The following PI4KA variants were observed in gnomAD, a reference collection of about 807,000 sequenced individuals.
PI4KA encodes phosphatidylinositol 4-kinase alpha.
A neutral mutation model predicts 271.4 loss-of-function variants in PI4KA; 122 were observed. That is an observed-to-expected ratio of 0.45 (90% CI 0.39 to 0.52). The LOEUF (loss-of-function observed/expected upper bound fraction) is 0.52, where lower values mean the gene tolerates loss of function less well. Among genes scored for constraint, PI4KA ranks in the 20% least tolerant of loss-of-function variants. PI4KA has a pLI of 0.00. For missense variants in PI4KA, 1,969 were observed against 2,769.1 expected (o/e 0.71, Z 6.48); for synonymous variants, 1,041 against 1,078.8 (o/e 0.96, Z 0.69).
intron 19 of PI4KA, chr22:20,786,889 C>T (rs1192100389): frequency 5.6e-6 from 9 of 1,614,056 alleles, no homozygotes; most frequent in Non-Finnish European, 7.6e-6. Flanking sequence ...AGCACCAAGG[C>T]ACGATCACAG....
At chr22:20,717,525 C>T (rs1452261822) in intron 45 of PI4KA, among the ~76,000 whole-genome samples, 183 bp downstream of exon 45, 6 of 152,270 alleles carry the variant, frequency 3.9e-5, no homozygotes, top group East Asian at 1.9e-4. Context: ...CGCTCACTAG[C>T]GGCAGATTCT....
chr22:20,784,200 T>C, intron 19 of PI4KA: 2 of 1,614,172 alleles, frequency 1.2e-6, no homozygotes, highest in Non-Finnish European at 1.7e-6. Flanking sequence ...GAAGCGCAAC[T>C]GACACCCCGG....
chr22:20,750,404 A>C (rs1930543118), intron 27 of PI4KA, among the ~76,000 whole-genome samples: 2 of 152,182 alleles, frequency 1.3e-5, no homozygotes, highest in Non-Finnish European at 2.9e-5. Context: ...GAACTGTAAG[A>C]CAATCAATGT....
chr22:20,757,489 G>C (rs2147356420), intron 23 of PI4KA, among the ~76,000 whole-genome samples: 1 of 152,206 alleles, frequency 6.6e-6, no homozygotes, highest in East Asian at 1.9e-4. Flanking sequence ...CTTCAGAAAG[G>C]GATCTGATTC....
Position 20,798,577 on chromosome 22 carries a change from C to T in PI4KA, c.2108+7G>A, listed in dbSNP as rs764135349. The T allele has an allele frequency of 1.3e-6, 2 of 1,535,966 alleles. No homozygotes were observed. The highest frequency in any genetic ancestry group is 3.3e-5 in the Admixed American group (2 of 59,930). On this transcript the variant is annotated splice_region_variant and intron_variant, in intron 17 of 54. Coordinates refer to ENST00000255882, the MANE Select transcript of PI4KA (RefSeq NM_058004.4). ...ATGATAAAAAAGTGACAATGAGGTC[C>T]AGTTACCTATAGCCGTGGTCCTTGT...
At chr22:20,854,969 C>T (rs535553429) in intron 1 of PI4KA, among the ~76,000 whole-genome samples, 10 of 151,866 alleles carry the variant, frequency 6.6e-5, no homozygotes, top group Non-Finnish European at 1.2e-4. Flanking sequence ...CTGGCCAACA[C>T]GGCGAAACCC....
At chr22:20,776,758 A>G (rs1933319242) in intron 19 of PI4KA, among the ~76,000 whole-genome samples, 1 of 152,114 alleles carries the variant, frequency 6.6e-6, no homozygotes, top group African/African-American at 2.4e-5. Flanking sequence ...TGATATATAA[A>G]ATGTTGGGAG....
At chr22:20,790,469 T>C (rs1934557120) in intron 19 of PI4KA, among the ~76,000 whole-genome samples, 1 of 152,090 alleles carries the variant, frequency 6.6e-6, no homozygotes, top group South Asian at 2.1e-4. Flanking sequence ...GAGACCAGCC[T>C]GGTGAACATG....
intron 19 of PI4KA, 50 bp from the exon 20 acceptor site, chr22:20,765,743 C>T (rs1932465460): frequency 3.2e-6 from 4 of 1,232,254 alleles, no homozygotes; most frequent in East Asian, 4.7e-5. Flanking sequence ...CTGAGGAAAC[C>T]CTAAGCCCTG....
intron 14 of PI4KA, 63 bp downstream of exon 14, chr22:20,801,910 A>G: frequency 6.4e-7 from 1 of 1,564,764 alleles, no homozygotes; most frequent in African/African-American, 1.4e-5. Context: ...AATGTCTCTT[A>G]TTTTGTAATA....
At position 20,817,734 on chromosome 22, in the gene PI4KA, C is replaced by CAAAAAAAAAAA; in HGVS notation, c.856+738_856+748dup. The stretch of plus-strand genomic sequence containing the variant: ...GGGTGGCAGAGTGAGACTCTCTCTC[C>CAAAAAAAAAAA]AAAAAAAAAAAAAAAAAAAAAAAAA... On this transcript the variant is annotated intron_variant, in intron 7 of 54. Coordinates refer to ENST00000255882, the MANE Select transcript of PI4KA (RefSeq NM_058004.4). Among the ~76,000 whole-genome samples, 26 of 13,972 alleles carry CAAAAAAAAAAA rather than the reference C, an allele frequency of 1.9e-3. 4 individuals carry two copies. The highest frequency in any genetic ancestry group is 2.5e-3 in the Non-Finnish European group (19 of 7,462). 9.2% of individuals were successfully genotyped at this position (13,972 alleles called of 152,430 possible). A position where few individuals can be genotyped will look rare whatever the true frequency, so the allele number is the denominator to read the frequency against.
intron 50 of PI4KA, among the ~76,000 whole-genome samples, chr22:20,711,977 TC>T (rs1351821221): frequency 4.6e-5 from 7 of 151,984 alleles, no homozygotes; most frequent in African/African-American, 1.4e-4. Flanking sequence ...TCTCTTGACC[TC>T]ATGATCTGCC....
chr22:20,753,104 G>A lies in PI4KA; in HGVS notation c.2862+6C>T. The A allele has an allele frequency of 6.2e-7, 1 of 1,614,122 alleles. No homozygotes were observed. The highest frequency in any genetic ancestry group is 8.5e-7 in the Non-Finnish European group (1 of 1,180,000). On this transcript the variant is annotated splice_donor_region_variant and intron_variant, in intron 24 of 54. Coordinates refer to ENST00000255882, the MANE Select transcript of PI4KA (RefSeq NM_058004.4). The stretch of plus-strand genomic sequence containing the variant: ...ACAGACACGCATTCATGCTGGAGAG[G>A]CTTACTTTATCCGCCATCATGTTCA...
chr22:20,840,786 C>A (rs553324740), intron 1 of PI4KA, among the ~76,000 whole-genome samples: 1 of 152,146 alleles, frequency 6.6e-6, no homozygotes, highest in African/African-American at 2.4e-5. Context: ...AAGGCCGAGG[C>A]AGGAGGATCA....
intron 19 of PI4KA, chr22:20,787,310 T>C (rs537763191): frequency 1.9e-6 from 1 of 535,902 alleles, no homozygotes; most frequent in African/African-American, 1.9e-5. Context: ...TGCTGTTACC[T>C]AGAGGGTCTC....
chr22:20,803,290 C>G lies in PI4KA; in HGVS notation c.1492G>C (p.Val498Leu). The G allele has an allele frequency of 6.2e-7, 1 of 1,614,160 alleles. No homozygotes were observed. Among genetic ancestry groups the G allele is most frequent in the South Asian group, 1.1e-5 (1 of 91,088 alleles). ...GLGRLCERFP[V>L]VVHSVTPSLR... ...GACGGTGTCACAGAGTGCACCACCACCGGGAACCTCTCGCACAGGCGGCCC... is the reference window on the plus strand; with the variant it reads ...GACGGTGTCACAGAGTGCACCACCAGCGGGAACCTCTCGCACAGGCGGCCC... The change falls in exon 13 of 55, where the codon GTG becomes CTG. Residue 498 changes from valine to leucine, a missense_variant. Physicochemically the swap from Val to Leu is conservative, Grantham distance 32 (BLOSUM62 1). This residue lies in a region of PI4KA where 228 missense variants were observed against 261.6 expected (regional missense o/e 0.87). Transcript: ENST00000255882.
chr22:20,804,835 CG>C (rs1935543291), intron 11 of PI4KA, 138 bp downstream of exon 11: 1 of 701,300 alleles, frequency 1.4e-6, no homozygotes, highest in African/African-American at 1.8e-5. Flanking sequence ...CCACTCTGCA[CG>C]TGCCCAGGAG....
intron 19 of PI4KA, among the ~76,000 whole-genome samples, chr22:20,768,365 C>T (rs904604897): frequency 2.0e-5 from 3 of 152,100 alleles, no homozygotes; most frequent in South Asian, 4.1e-4. Context: ...AGCCACCACA[C>T]TCAGCCAAGA....
chr22:20,824,497 C>A (rs1923124276), intron 3 of PI4KA, 83 bp from the exon 4 acceptor site: 1 of 937,596 alleles, frequency 1.1e-6, no homozygotes, highest in Non-Finnish European at 1.6e-6. Context: ...AATATGTTCC[C>A]TCTCACCATG....
Sources: gnomAD v4.1 joint callset for allele counts (sites outside exome capture counted in the v4.1 genomes callset) on GRCh38, gnomAD v4.1.1 for gene constraint, gnomAD v4.1.1 regional missense constraint, MANE v1.5 for transcripts, NCBI Gene and HGNC (gene_info 2026-07-23, HGNC 2026-07-21) for gene names.